Variants in UNC80 observed in about 807,000 individuals in gnomAD.
The protein encoded by UNC80 is protein unc-80 homolog.
Under a neutral mutation model 384.6 loss-of-function variants are expected in UNC80, and 164 were observed. The observed-to-expected ratio is 0.43, with a 90% CI of 0.38 to 0.49. UNC80 has a LOEUF of 0.49. UNC80 is among the 20% of genes least tolerant of loss of function. UNC80 has a pLI of 0.00. For missense variants in UNC80, 3,330 were observed against 4,143.0 expected, an observed-to-expected ratio of 0.80 and a Z score of 5.39; for synonymous variants, 1,486 against 1,527.8, an observed-to-expected ratio of 0.97 and a Z score of 0.64.
In UNC80 at chr2:209,978,728, C is replaced by T; in HGVS notation, c.9118+20C>T. The T allele has an allele frequency of 6.6e-7, 1 of 1,511,516 alleles. No individual in the cohort carries two copies. Among genetic ancestry groups the T allele is most frequent in the Non-Finnish European group, 8.9e-7 (1 of 1,117,812 alleles). The allele number at this position is 1,511,516 out of a possible 1,614,324, so 93.6% of individuals were successfully genotyped here. On this transcript the variant is annotated intron_variant, in intron 59 of 64. Coordinates refer to ENST00000673920, the MANE Select transcript of UNC80 (RefSeq NM_001371986.1). ...AGGAAAGTAGGTCATTCCAGAGAATCTGGGCAGTAGACATGGCCTGGCCAT... is the reference window on the plus strand; with the variant it reads ...AGGAAAGTAGGTCATTCCAGAGAATTTGGGCAGTAGACATGGCCTGGCCAT...
chr2:209,987,534 G>A (rs2093314003), intron 61 of UNC80, among the ~76,000 whole-genome samples: 1 of 152,112 alleles, frequency 6.6e-6, no homozygotes, highest in Non-Finnish European at 1.5e-5. Flanking sequence ...CATATCCATG[G>A]ACATGTTTTC....
In UNC80 at chr2:209,813,456, C is replaced by G. The variant is rs559217351; in HGVS notation, c.939-124C>G. On this transcript the variant is annotated intron_variant, in intron 7 of 64. Coordinates refer to ENST00000673920, the MANE Select transcript of UNC80 (RefSeq NM_001371986.1). ...CCAGTTGGAAGGATATTAGAGTAAA[C>G]TACGTAAGAAACAAGTAAATGAATA... The G allele has an allele frequency of 1.2e-5, 12 of 1,039,378 alleles. No homozygotes were observed. In the South Asian group the frequency reaches 1.8e-4, roughly 15 times the overall value. 64.4% of individuals were successfully genotyped at this position (1,039,378 alleles called of 1,614,324 possible).
At chr2:209,854,328 T>TA (rs5838186) in intron 22 of UNC80, among the ~76,000 whole-genome samples, 4 of 151,854 alleles carry the variant, frequency 2.6e-5, no homozygotes. Context: ...AAATGTAGCA[T>TA]AAAAAAATGC....
At chr2:209,981,939 A>G (rs2125022669) in intron 59 of UNC80, among the ~76,000 whole-genome samples, 1 of 152,318 alleles carries the variant, frequency 6.6e-6, no homozygotes, top group South Asian at 2.1e-4. Flanking sequence ...AAAAATTTAC[A>G]TTTATTTCAT....
chr2:209,836,710 G>T (rs1451619140), intron 18 of UNC80, among the ~76,000 whole-genome samples: 1 of 152,128 alleles, frequency 6.6e-6, no homozygotes, highest in East Asian at 1.9e-4. Context: ...GAGAAAGATG[G>T]GTGGTTACTT....
At chr2:209,870,131 A>C (rs12329111) in intron 22 of UNC80, among the ~76,000 whole-genome samples, 26,741 of 151,952 alleles carry the variant, frequency 0.18, 3,262 homozygotes, top group African/African-American at 0.34. Context: ...TTAAGTTTCA[A>C]CCTTGTTAAT....
intron 44 of UNC80, among the ~76,000 whole-genome samples, chr2:209,942,254 T>C (rs550297754): frequency 6.6e-6 from 1 of 152,268 alleles, no homozygotes; most frequent in African/African-American, 2.4e-5. Flanking sequence ...CCCTGGTCCA[T>C]GAAAAAATTG....
chr2:209,877,966 C>T lies in UNC80; in HGVS notation c.3853C>T (p.Arg1285Ter), dbSNP rs1574855486. The change falls in exon 24 of 65, where the codon CGA (arginine) becomes TGA (stop). Residue 1285 changes from arginine to a stop codon, truncating the protein, a stop_gained. Transcript: ENST00000673920. LOFTEE classifies it high-confidence loss of function. ...FYQWGDAIGVRLNELCHGESE... is the reference protein window; with the variant it reads ...FYQWGDAIGV ...CTTCCCATTTTAGGCAATTGGCGTCCGATTGAATGAGCTGTGCCACGGGGA... is the reference window on the plus strand; with the variant it reads ...CTTCCCATTTTAGGCAATTGGCGTCTGATTGAATGAGCTGTGCCACGGGGA... 4.6e-6 allele frequency: 7 copies of T among 1,527,502 alleles called. No homozygotes were observed. The highest frequency in any genetic ancestry group is 2.5e-5 in the East Asian group (1 of 39,836). 94.6% of individuals were successfully genotyped at this position (1,527,502 alleles called of 1,614,324 possible).
chr2:209,918,777 G>T, intron 33 of UNC80, 114 bp downstream of exon 33: 1 of 1,212,458 alleles, frequency 8.2e-7, no homozygotes, highest in Non-Finnish European at 1.1e-6. Flanking sequence ...CAGAAAGTCA[G>T]CACAAAAGAT....
At chr2:209,878,266 A>G (rs2084955746) in intron 24 of UNC80, among the ~76,000 whole-genome samples, 177 bp downstream of exon 24, 1 of 152,188 alleles carries the variant, frequency 6.6e-6, no homozygotes, top group African/African-American at 2.4e-5. Context: ...CCACACAGAG[A>G]CAAGGCAAGA....
Position 209,930,955 on chromosome 2 carries a change from G to C in UNC80, c.5908-13G>C, listed in dbSNP as rs764208632. ...AGCTGAAGGAAACATTAAAAATTCT[G>C]TTCTTCTTTCAGGATGAGTTAATGT... On this transcript the variant is annotated splice_polypyrimidine_tract_variant and intron_variant, in intron 37 of 64. Transcript: ENST00000673920. 6.5e-7 allele frequency: 1 copy of C among 1,527,050 alleles called. No individual in the cohort carries two copies. Among genetic ancestry groups the C allele is most frequent in the South Asian group, 1.2e-5 (1 of 80,440 alleles). 94.6% of individuals were successfully genotyped at this position (1,527,050 alleles called of 1,614,324 possible). A position where few individuals can be genotyped will look rare whatever the true frequency, so the allele number is the denominator to read the frequency against.
At chr2:209,938,710 C>CTCTG (rs1491352008) in intron 42 of UNC80, among the ~76,000 whole-genome samples, 8 of 83,384 alleles carry the variant, frequency 9.6e-5, no homozygotes, top group African/African-American at 1.9e-4. Flanking sequence ...CTCTCTCTCT[C>CTCTG]TGTGTGTGTG....
intron 59 of UNC80, 80 bp from the exon 60 acceptor site, chr2:209,982,099 G>A (rs1255229531): frequency 3.5e-6 from 5 of 1,415,966 alleles, no homozygotes; most frequent in Non-Finnish European, 4.8e-6. Context: ...GCCAAGGACA[G>A]AACCCAAGTA....
intron 33 of UNC80, among the ~76,000 whole-genome samples, chr2:209,919,339 CTT>C (rs547203309): frequency 2.7e-4 from 41 of 152,254 alleles, no homozygotes; most frequent in African/African-American, 9.9e-4. Flanking sequence ...AAGAACACCT[CTT>C]TGCACAAATT....
chr2:209,841,121 C>T (rs923954083), intron 20 of UNC80, among the ~76,000 whole-genome samples: 1 of 152,170 alleles, frequency 6.6e-6, no homozygotes, highest in African/African-American at 2.4e-5. Context: ...TACACTCCTC[C>T]TTCGTAATAC....
chr2:209,880,456 T>C (rs1376352794), intron 24 of UNC80, among the ~76,000 whole-genome samples: 2 of 152,230 alleles, frequency 1.3e-5, no homozygotes, highest in East Asian at 3.8e-4. Flanking sequence ...ACAACTTCAC[T>C]GCCCTCAAAA....
rs1559430364 is a variant in UNC80, at chr2:209,978,561, G to A, written c.8971G>A (p.Gly2991Ser). 6.4e-7 allele frequency: 1 copy of A among 1,550,640 alleles called. No individual in the cohort carries two copies. The highest frequency in any genetic ancestry group is 8.7e-7 in the Non-Finnish European group (1 of 1,146,270). ...AGGCAAGACATCCATCAGTACCGTGGGCACCTCCACCTCTGCTTACCGCCT... is the reference window on the plus strand; with the variant it reads ...AGGCAAGACATCCATCAGTACCGTGAGCACCTCCACCTCTGCTTACCGCCT... ...YQGKTSISTV[G>S]TSTSAYRLSL... is the part of the protein sequence containing the mutation. The change falls in exon 59 of 65, where the codon GGC (glycine) becomes AGC (serine). Residue 2991 changes from glycine (G) to serine (S), a missense_variant. Physicochemically the swap from Gly to Ser is moderately conservative, Grantham distance 56. Coordinates refer to ENST00000673920, the MANE Select transcript of UNC80 (RefSeq NM_001371986.1).
At chr2:209,914,022 A>C in intron 31 of UNC80, 82 bp downstream of exon 31, 9 of 1,447,292 alleles carry the variant, frequency 6.2e-6, no homozygotes, top group Non-Finnish European at 8.3e-6. Flanking sequence ...AGGTGTTTCC[A>C]TTCTATTTTT....
At chr2:209,821,336 C>G (rs1483324656) in intron 13 of UNC80, among the ~76,000 whole-genome samples, 2 of 152,216 alleles carry the variant, frequency 1.3e-5, no homozygotes, top group African/African-American at 4.8e-5. Flanking sequence ...CCCTAATTAC[C>G]TCCCAAAGAC....
Sources: gnomAD v4.1 joint callset for allele counts (sites outside exome capture counted in the v4.1 genomes callset) on GRCh38, gnomAD v4.1.1 for gene constraint, MANE v1.5 for transcripts, NCBI Gene and HGNC (gene_info 2026-07-23, HGNC 2026-07-21) for gene names.